The following PPP3CA variants were observed in gnomAD, a reference collection of about 807,000 sequenced individuals.
The protein encoded by PPP3CA is protein phosphatase 3 catalytic subunit alpha.
A neutral mutation model predicts 66.5 loss-of-function variants in PPP3CA; 14 were observed. That is an observed-to-expected ratio of 0.21 (90% CI 0.14 to 0.33). The LOEUF is 0.33. Ranked by LOEUF, PPP3CA falls within the 10% of genes least tolerant of loss-of-function variation. The pLI is 1.00. For missense variants in PPP3CA, 317 were observed against 639.5 expected (o/e 0.50, Z 5.44); for synonymous variants, 232 against 226.2 (o/e 1.03, Z -0.23).
At chr4:101,221,817 G>A (rs929046598) in intron 1 of PPP3CA, among the ~76,000 whole-genome samples, 1 of 151,492 alleles carries the variant, frequency 6.6e-6, no homozygotes, top group African/African-American at 2.4e-5. Flanking sequence ...TAACTTTTCT[G>A]TTTCAAGAAA....
intron 1 of PPP3CA, among the ~76,000 whole-genome samples, chr4:101,332,180 T>A (rs1729408906): frequency 6.6e-6 from 1 of 152,136 alleles, no homozygotes; most frequent in Non-Finnish European, 1.5e-5. Context: ...ACCATACCCA[T>A]CCACAGCAAC....
At chr4:101,057,625 G>T (rs1021803392) in intron 10 of PPP3CA, among the ~76,000 whole-genome samples, 1 of 152,090 alleles carries the variant, frequency 6.6e-6, no homozygotes, top group Non-Finnish European at 1.5e-5. Flanking sequence ...AAATTCAATG[G>T]AGAGGCATTC....
chr4:101,054,848 A>G (rs1186731756), intron 10 of PPP3CA, among the ~76,000 whole-genome samples: 1 of 152,154 alleles, frequency 6.6e-6, no homozygotes, highest in Non-Finnish European at 1.5e-5. Flanking sequence ...TTGACAAAGG[A>G]TAAGAGTTCT....
intron 1 of PPP3CA, among the ~76,000 whole-genome samples, chr4:101,286,220 G>C (rs1367088932): frequency 6.6e-6 from 1 of 152,156 alleles, no homozygotes; most frequent in Non-Finnish European, 1.5e-5. Flanking sequence ...ATGCTTGCTG[G>C]CCAGCCACTA....
At chr4:101,270,395 C>T (rs1727301129) in intron 1 of PPP3CA, among the ~76,000 whole-genome samples, 1 of 152,078 alleles carries the variant, frequency 6.6e-6, no homozygotes, top group Admixed American at 6.6e-5. Flanking sequence ...AAGCTTTCTT[C>T]CACCTCCCAG....
intron 2 of PPP3CA, among the ~76,000 whole-genome samples, chr4:101,177,442 T>C (rs543040930): frequency 1.3e-5 from 2 of 152,284 alleles, no homozygotes; most frequent in East Asian, 3.9e-4. Context: ...AGTAGTCCTG[T>C]ACTCTCATCA....
chr4:101,231,139 T>C (rs1213903981), intron 1 of PPP3CA, among the ~76,000 whole-genome samples: 1 of 151,716 alleles, frequency 6.6e-6, no homozygotes, highest in Non-Finnish European at 1.5e-5. Context: ...CCACTTGCTC[T>C]TTCACAAATG....
In PPP3CA at chr4:101,347,390, G is replaced by A. The variant is rs976747956; in HGVS notation, c.-594C>T. 2.4e-5 allele frequency: 4 copies of A among 168,074 alleles called. No homozygotes were observed. The highest frequency in any genetic ancestry group is 6.5e-5 in the Admixed American group (1 of 15,312). The allele number at this position is 168,074 out of a possible 1,614,324, so 10.4% of individuals were successfully genotyped here. A position where few individuals can be genotyped will look rare whatever the true frequency, so the allele number is the denominator to read the frequency against. ...CTGCCCCTGCTTCTCCACACAGAGC[G>A]CCGCCGCTGGTGCCGCGGCCGCCGG... On this transcript the variant is annotated 5_prime_UTR_variant, in exon 1 of 14. Transcript: ENST00000394854.
intron 8 of PPP3CA, among the ~76,000 whole-genome samples, chr4:101,066,802 A>T (rs528411948): frequency 6.6e-6 from 1 of 152,210 alleles, no homozygotes; most frequent in Non-Finnish European, 1.5e-5. Flanking sequence ...TGTCATTGGG[A>T]TTACAAAACC....
intron 2 of PPP3CA, among the ~76,000 whole-genome samples, chr4:101,138,513 A>AT (rs1213333537): frequency 6.6e-5 from 10 of 152,108 alleles, no homozygotes; most frequent in Non-Finnish European, 1.3e-4. Context: ...TGTATTTTGG[A>AT]TTTTTTGGGT....
At chr4:101,170,768 T>TA (rs1723852396) in intron 2 of PPP3CA, among the ~76,000 whole-genome samples, 1 of 152,160 alleles carries the variant, frequency 6.6e-6, no homozygotes, top group African/African-American at 2.4e-5. Flanking sequence ...AGCCTATAAT[T>TA]AATCATTCTT....
intron 2 of PPP3CA, among the ~76,000 whole-genome samples, chr4:101,149,488 T>G (rs1290153214): frequency 6.6e-6 from 1 of 152,164 alleles, no homozygotes; most frequent in East Asian, 1.9e-4. Flanking sequence ...TAATCTAAGT[T>G]AAAAAATTTT....
At chr4:101,146,295 A>G (rs1722966494) in intron 2 of PPP3CA, among the ~76,000 whole-genome samples, 2 of 152,236 alleles carry the variant, frequency 1.3e-5, no homozygotes, top group South Asian at 4.1e-4. Flanking sequence ...GTCAGGCAAC[A>G]GGGTAATGGA....
chr4:101,118,227 T>A (rs567937206), intron 2 of PPP3CA, among the ~76,000 whole-genome samples: 3 of 152,152 alleles, frequency 2.0e-5, no homozygotes, highest in African/African-American at 7.2e-5. Flanking sequence ...GGAGAGGCAG[T>A]ATAGTGCAAT....
intron 12 of PPP3CA, 152 bp from the exon 13 acceptor site, chr4:101,029,347 T>TAAAAAAAAAAAAAAAA (rs34620032): frequency 1.3e-4 from 10 of 78,830 alleles, no homozygotes; most frequent in African/African-American, 1.4e-4. Flanking sequence ...ACAGAAATGC[T>TAAAAAAAAAAAAAAAA]AAAAAAAAAA....
intron 2 of PPP3CA, among the ~76,000 whole-genome samples, chr4:101,177,751 A>G (rs1724108271): frequency 1.3e-5 from 2 of 152,020 alleles, no homozygotes; most frequent in Non-Finnish European, 1.5e-5. Flanking sequence ...TTTACATCAG[A>G]AGGGCAAATA....
intron 1 of PPP3CA, among the ~76,000 whole-genome samples, chr4:101,279,711 C>T (rs534144743): frequency 7.9e-5 from 12 of 152,086 alleles, no homozygotes; most frequent in Non-Finnish European, 1.5e-4. Context: ...AGGGCAAGCT[C>T]TGTGAGGTCA....
At chr4:101,104,117 C>A (rs1285604624) in intron 3 of PPP3CA, among the ~76,000 whole-genome samples, 2 of 152,104 alleles carry the variant, frequency 1.3e-5, no homozygotes, top group Non-Finnish European at 2.9e-5. Context: ...CCAGCAGAGA[C>A]TGTTTGAAAT....
rs1426911642 is a variant in PPP3CA at position 101,203,888 on chromosome 4, A to G, written c.59-7772T>C. ...TTATGTAATAATGATTCAACACTGA[A>G]GATTATTTGAAAAAAGTTATTTTAA... On this transcript the variant is annotated intron_variant, in intron 1 of 13. Transcript: ENST00000394854. Among the ~76,000 whole-genome samples, 5 of 152,230 alleles carry G rather than the reference A, an allele frequency of 3.3e-5. No individual in the cohort carries two copies. The East Asian group carries it at 9.6e-4, about 29-fold the overall frequency.
Sources: allele counts gnomAD v4.1 joint callset (sites outside exome capture counted in the v4.1 genomes callset), GRCh38; gene constraint gnomAD v4.1.1; transcripts MANE v1.5; gene names NCBI Gene and HGNC (gene_info 2026-07-23, HGNC 2026-07-21).